Variants in DZANK1 observed in about 807,000 individuals in gnomAD.
DZANK1 encodes the protein double zinc ribbon and ankyrin repeat-containing protein 1.
Under a neutral mutation model 94.5 loss-of-function variants are expected in DZANK1, and 91 were observed. The ratio of observed to expected loss-of-function variants is 0.96; its 90% CI spans 0.81 to 1.15. The LOEUF (loss-of-function observed/expected upper bound fraction) is 1.15. DZANK1 is among the 50% of genes most tolerant of loss of function. The pLI is 0.00. For synonymous variants in DZANK1, 312 were observed against 325.3 expected, an observed-to-expected ratio of 0.96 and a Z score of 0.44; for missense variants, 903 against 916.4, an observed-to-expected ratio of 0.99 and a Z score of 0.19.
At chr20:18,463,314 A>G (rs942683212) in intron 2 of DZANK1, among the ~76,000 whole-genome samples, 1 of 152,228 alleles carries the variant, frequency 6.6e-6, no homozygotes, top group Admixed American at 6.5e-5. Context: ...AACATTAGGT[A>G]CAAATGGACA....
intron 4 of DZANK1, 130 bp downstream of exon 4, chr20:18,455,117 G>A: frequency 1.5e-6 from 1 of 649,440 alleles, no homozygotes; most frequent in Non-Finnish European, 2.7e-6. Context: ...TGCAATGGTT[G>A]ATAATGACTT....
At chr20:18,453,524 C>T (rs528710119) in intron 5 of DZANK1, among the ~76,000 whole-genome samples, 7 of 152,316 alleles carry the variant, frequency 4.6e-5, no homozygotes, top group Admixed American at 4.6e-4. Flanking sequence ...GTCAAGAAAT[C>T]TAACTTGGTT....
chr20:18,394,276 C>G (rs1041634717), exon 16 of DZANK1: 7 of 1,613,578 alleles, frequency 4.3e-6, no homozygotes, highest in African/African-American at 2.7e-5. Flanking sequence ...TGCTGCCGCA[C>G]AGCCCCCCAT....
Position 18,452,050 on chromosome 20 carries a change from C to T in DZANK1, c.543+565G>A, listed in dbSNP as rs182701124. ...TCTGTGACTCTCAACCATACCTGAC[C>T]GTTAGAATCATTTAGGGGTGGTTTT... On this transcript the variant is annotated intron_variant, in intron 6 of 20. Coordinates refer to ENST00000262547, the Ensembl canonical transcript of DZANK1. 6.6e-4 allele frequency: 259 copies of T among 392,942 alleles called. No homozygotes were observed. In the Admixed American group the frequency reaches 8.6e-3, roughly 13 times the overall value. The allele number at this position is 392,942 out of a possible 1,614,324, so 24.3% of individuals were successfully genotyped here.
rs775375962 is a variant in DZANK1 at position 18,390,360 on chromosome 20, C to A, written c.1890+19G>T. 1.9e-6 allele frequency: 3 copies of A among 1,612,654 alleles called. No homozygotes were observed. Among genetic ancestry groups the A allele is most frequent in the Non-Finnish European group, 2.5e-6 (3 of 1,178,706 alleles). ...AGGCTGAACTCTTCAGAGAGACTGG[C>A]TCCTTTGGCAACACTTACCTCATCC... is the stretch of plus-strand genomic sequence containing the variant. On this transcript the variant is annotated intron_variant, in intron 18 of 20. Transcript: ENST00000262547.
At chr20:18,423,506 C>T (rs537717202) in intron 10 of DZANK1, among the ~76,000 whole-genome samples, 135 of 152,196 alleles carry the variant, frequency 8.9e-4, no homozygotes, top group Non-Finnish European at 1.7e-3. Flanking sequence ...TTATAGAATA[C>T]GCAACAATGA....
At chr20:18,400,147 T>C (rs2056592589) in intron 13 of DZANK1, among the ~76,000 whole-genome samples, 1 of 152,306 alleles carries the variant, frequency 6.6e-6, no homozygotes, top group Non-Finnish European at 1.5e-5. Flanking sequence ...CTAAGTGTTC[T>C]TACTTGGGTT....
intron 16 of DZANK1, 125 bp from the exon 17 acceptor site, chr20:18,393,936 T>C: frequency 2.9e-6 from 2 of 694,842 alleles, no homozygotes. Context: ...AAATTTCTAT[T>C]TGATTAAACC....
chr20:18,392,462 C>G (rs988920193), intron 17 of DZANK1, among the ~76,000 whole-genome samples: 1 of 152,206 alleles, frequency 6.6e-6, no homozygotes, highest in Non-Finnish European at 1.5e-5. Flanking sequence ...AGGGCCTGGC[C>G]TTGGAACCAC....
chr20:18,421,921 T>C (rs2057799656), intron 10 of DZANK1, among the ~76,000 whole-genome samples: 1 of 152,220 alleles, frequency 6.6e-6, no homozygotes, highest in South Asian at 2.1e-4. Flanking sequence ...GTTTACTTAC[T>C]ATTGAGTTGT....
chr20:18,451,956 G>A (rs757571663), intron 6 of DZANK1: 1 of 518,184 alleles, frequency 1.9e-6, no homozygotes, highest in Non-Finnish European at 3.9e-6. Flanking sequence ...ATGGGACTGT[G>A]TCTTGCCTGC....
chr20:18,419,261 C>CA (rs61274655), intron 10 of DZANK1, among the ~76,000 whole-genome samples: 11,756 of 77,700 alleles, frequency 0.15, 551 homozygotes, highest in Admixed American at 0.24. Context: ...GACTCCATCT[C>CA]AAAAAAAAAA....
chr20:18,418,413 C>T (rs1410151166), intron 10 of DZANK1, among the ~76,000 whole-genome samples: 1 of 152,176 alleles, frequency 6.6e-6, no homozygotes, highest in Non-Finnish European at 1.5e-5. Context: ...AACATATGTA[C>T]AGAATAGGCT....
rs926077053 is a variant in DZANK1 at position 18,441,088 on chromosome 20, T to G, written c.747+2259A>C. ...TCTTTCTGTGAATGCTCCCATGGAC[T>G]CAGGAGAATACATCCTCCACCACAG... On this transcript the variant is annotated intron_variant, in intron 8 of 20. Coordinates refer to ENST00000262547, the Ensembl canonical transcript of DZANK1. This position sits in a 1 kb window ranked among gnomAD's most constrained non-coding sequence, Gnocchi z 4.1. Among the ~76,000 whole-genome samples, 2 of 152,178 alleles carry G rather than the reference T, an allele frequency of 1.3e-5. No homozygotes were observed. The highest frequency in any genetic ancestry group is 4.8e-5 in the African/African-American group (2 of 41,444).
rs191202190 is a variant in DZANK1, at chr20:18,391,088, G to T, written c.1810-629C>A. On this transcript the variant is annotated intron_variant, in intron 17 of 20. Coordinates refer to ENST00000262547, the Ensembl canonical transcript of DZANK1. The stretch of plus-strand genomic sequence containing the variant: ...TGCCTATAATCCCAGCTACTTGGGA[G>T]GCTAAGGCAGGAGAATCGCTTGAAT... Among the ~76,000 whole-genome samples, 105 of 152,302 alleles carry T rather than the reference G, an allele frequency of 6.9e-4. 1 individual carries two copies. The East Asian group carries it at 0.016, about 23-fold the overall frequency.
At chr20:18,420,007 G>A (rs2057701665) in intron 10 of DZANK1, among the ~76,000 whole-genome samples, 1 of 151,886 alleles carries the variant, frequency 6.6e-6, no homozygotes, top group Admixed American at 6.6e-5. Context: ...GTACTCTGCA[G>A]AAAACATGCA....
chr20:18,436,336 T>A (rs1217893681), intron 8 of DZANK1, among the ~76,000 whole-genome samples: 2 of 150,172 alleles, frequency 1.3e-5, no homozygotes, highest in African/African-American at 4.9e-5. Context: ...CCCAGCTACT[T>A]GGGAGGCTGA....
chr20:18,405,785 C>T (rs988914645), intron 13 of DZANK1, among the ~76,000 whole-genome samples: 1 of 152,198 alleles, frequency 6.6e-6, no homozygotes, highest in Admixed American at 6.5e-5. Context: ...AAAGAGGCAT[C>T]GAGAAGGGCA....
At position 18,412,683 on chromosome 20, in the gene DZANK1, GTCAC is replaced by G. The variant is rs2057314021; in HGVS notation, c.1391_1394del (p.Ser464ThrfsTer6). ...TGATGGCTGTCAGGAGGGGTTTATG[GTCAC>G]TCATTTTCTCCTGCCTCTGCTTTTG... On this transcript the variant is annotated frameshift_variant, in exon 13 of 21. Coordinates refer to ENST00000262547, the Ensembl canonical transcript of DZANK1. LOFTEE classifies it high-confidence loss of function. 6.2e-7 allele frequency: 1 copy of G among 1,613,070 alleles called. No individual in the cohort carries two copies. Among genetic ancestry groups the G allele is most frequent in the Non-Finnish European group, 8.5e-7 (1 of 1,179,704 alleles).
Sources: gnomAD v4.1 joint callset for allele counts (sites outside exome capture counted in the v4.1 genomes callset) on GRCh38, gnomAD v4.1.1 for gene constraint, Gnocchi (gnomAD v3.1) non-coding constraint, MANE v1.5 for transcripts, NCBI Gene and HGNC (gene_info 2026-07-23, HGNC 2026-07-21) for gene names.